WDR17: variants seen among roughly 807,000 people sequenced by gnomAD.
WDR17 encodes the protein WD repeat domain 17.
WDR17 carries 143 observed loss-of-function variants against 161.7 expected under a neutral mutation model. The observed-to-expected ratio is 0.88, with a 90% CI of 0.77 to 1.02. WDR17 has a LOEUF of 1.02. Ranked by LOEUF, WDR17 falls within the 50% of genes least tolerant of loss-of-function variation. The pLI is 0.00. For missense variants in WDR17, 1,469 were observed against 1,520.9 expected (o/e 0.97, Z 0.57); for synonymous variants, 517 against 515.6 (o/e 1.00, Z -0.04).
chr4:176,107,357 G>A (rs1738911818), intron 1 of WDR17, among the ~76,000 whole-genome samples: 1 of 150,668 alleles, frequency 6.6e-6, no homozygotes, highest in Non-Finnish European at 1.5e-5. Context: ...AATTGCTGCT[G>A]TGGAAAACAG....
intron 2 of WDR17, among the ~76,000 whole-genome samples, chr4:176,114,858 T>G (rs1238650556): frequency 6.6e-6 from 1 of 151,170 alleles, no homozygotes; most frequent in Non-Finnish European, 1.5e-5. Flanking sequence ...AATCAGTGGA[T>G]AGAGTATTTA....
chr4:176,142,805 A>G (rs898605258), intron 11 of WDR17, among the ~76,000 whole-genome samples: 2 of 152,250 alleles, frequency 1.3e-5, no homozygotes, highest in Non-Finnish European at 2.9e-5. Flanking sequence ...TTCAGAGTCA[A>G]ATCACACGTT....
intron 13 of WDR17, among the ~76,000 whole-genome samples, chr4:176,149,065 G>A (rs1746664734): frequency 6.6e-6 from 1 of 152,012 alleles, no homozygotes; most frequent in Non-Finnish European, 1.5e-5. Flanking sequence ...GTTGATATTC[G>A]AATTGAAAGG....
Position 176,125,276 on chromosome 4 carries a change from A to G in WDR17, c.711A>G (p.Thr237=), listed in dbSNP as rs1742268319. 1.9e-6 allele frequency: 3 copies of G among 1,614,032 alleles called. No homozygotes were observed. Among genetic ancestry groups the G allele is most frequent in the Non-Finnish European group, 1.7e-6 (2 of 1,180,030 alleles). The change falls in exon 5 of 29, where the codon ACA becomes ACG. Residue 237 remains threonine, a synonymous_variant. Coordinates refer to ENST00000508596, the MANE Select transcript of WDR17 (RefSeq NM_181265.4). ...VDSESLSCIT[T]FNLPSAAASV... The stretch of plus-strand genomic sequence containing the variant: ...CTGAATCACTTTCTTGCATAACAAC[A>G]TTTAATCTTCCCAGTGCAGCAGCTT...
At chr4:176,075,899 C>T (rs924634979) in intron 1 of WDR17, among the ~76,000 whole-genome samples, 2 of 151,900 alleles carry the variant, frequency 1.3e-5, no homozygotes, top group African/African-American at 4.8e-5. Context: ...CACTTGAGCT[C>T]AGGAGTTTGA....
chr4:176,103,026 A>G (rs763331602), intron 1 of WDR17, among the ~76,000 whole-genome samples: 6 of 152,170 alleles, frequency 3.9e-5, no homozygotes, highest in East Asian at 1.9e-4. Flanking sequence ...GCAGGCAGCC[A>G]TTGTTATTGC....
At chr4:176,089,585 C>T (rs1452502659) in intron 1 of WDR17, among the ~76,000 whole-genome samples, 1 of 151,840 alleles carries the variant, frequency 6.6e-6, no homozygotes, top group Non-Finnish European at 1.5e-5. Context: ...TGTATGAGTG[C>T]CGAGTGTTGT....
Position 176,115,894 on chromosome 4 carries a change from G to A in WDR17, c.222G>A (p.Leu74=), listed in dbSNP as rs751826618. ...AISWCPHNPD[L]FASGSTDNLV... is the part of the protein sequence containing the mutation. Reference sequence around the variant, plus strand: ...CTTGGTGTCCACATAATCCTGATCTGTTTGCAAGTGGCAGTACTGATAATT... The same window carrying A: ...CTTGGTGTCCACATAATCCTGATCTATTTGCAAGTGGCAGTACTGATAATT... The change falls in exon 3 of 29, where the codon CTG becomes CTA. Residue 74 remains leucine, a synonymous_variant. Transcript: ENST00000508596. The A allele has an allele frequency of 3.0e-5, 48 of 1,611,100 alleles. No homozygotes were observed. The highest frequency in any genetic ancestry group is 4.0e-5 in the Non-Finnish European group (47 of 1,178,396).
intron 4 of WDR17, among the ~76,000 whole-genome samples, chr4:176,122,204 G>A (rs534812188): frequency 2.0e-5 from 3 of 152,166 alleles, no homozygotes; most frequent in East Asian, 1.9e-4. Flanking sequence ...CACATGGCAC[G>A]TGGCATCCCT....
At chr4:176,083,472 T>G (rs1392243629) in intron 1 of WDR17, among the ~76,000 whole-genome samples, 5 of 152,128 alleles carry the variant, frequency 3.3e-5, no homozygotes, top group African/African-American at 1.2e-4. Context: ...CAGTATTATT[T>G]TTATATCTGG....
chr4:176,149,557 GC>G (rs1167507749), intron 13 of WDR17, among the ~76,000 whole-genome samples: 1 of 152,092 alleles, frequency 6.6e-6, no homozygotes, highest in Non-Finnish European at 1.5e-5. Flanking sequence ...ACAGGCGTGA[GC>G]CACCATTTCC....
chr4:176,145,458 C>A (rs1425199300), intron 11 of WDR17, among the ~76,000 whole-genome samples: 1 of 152,204 alleles, frequency 6.6e-6, no homozygotes, highest in Admixed American at 6.5e-5. Flanking sequence ...TGGACTGTGA[C>A]TTCCTGTCCA....
intron 3 of WDR17, among the ~76,000 whole-genome samples, chr4:176,118,485 A>G (rs1177269541): frequency 2.0e-5 from 3 of 152,134 alleles, no homozygotes; most frequent in Admixed American, 6.6e-5. Context: ...TGGAGTCCTC[A>G]TTATGGGTCA....
At chr4:176,156,887 C>T (rs1424528545) in intron 18 of WDR17, among the ~76,000 whole-genome samples, 3 of 152,054 alleles carry the variant, frequency 2.0e-5, no homozygotes, top group Non-Finnish European at 2.9e-5. Context: ...ACACGTCACT[C>T]CAGTCTCTCC....
intron 23 of WDR17, among the ~76,000 whole-genome samples, chr4:176,170,614 C>T (rs1750583218): frequency 6.6e-6 from 1 of 152,102 alleles, no homozygotes; most frequent in African/African-American, 2.4e-5. Flanking sequence ...CACGCCTGGC[C>T]AAATCAATTA....
rs1300219532 is a variant in WDR17 at position 176,182,372 on chromosome 4, A to G, written c.*2793A>G. ...TATGTATGTGTATATATATACATGTATGTATGAAATATATATATGTGCGTG... is the reference window on the plus strand; with the variant it reads ...TATGTATGTGTATATATATACATGTGTGTATGAAATATATATATGTGCGTG... On this transcript the variant is annotated 3_prime_UTR_variant, in exon 29 of 29. Coordinates refer to ENST00000508596, the MANE Select transcript of WDR17 (RefSeq NM_181265.4). The surrounding 1 kb of genome is among the most constrained non-coding windows in gnomAD (Gnocchi z 4.2). The G allele has an allele frequency of 6.9e-6, 1 of 145,354 alleles. No individual in the cohort carries two copies. The highest frequency in any genetic ancestry group is 1.5e-5 in the Non-Finnish European group (1 of 66,856). 9.0% of individuals were successfully genotyped at this position (145,354 alleles called of 1,614,324 possible).
In WDR17 at chr4:176,177,255, A is replaced by G. The variant is rs970216594; in HGVS notation, c.3548+99A>G. The G allele has an allele frequency of 2.6e-6, 3 of 1,159,904 alleles. No individual in the cohort carries two copies. The African/African-American group carries it at 4.6e-5, about 18-fold the overall frequency. 71.9% of individuals were successfully genotyped at this position (1,159,904 alleles called of 1,614,324 possible). ...GTGGTCTCATTAATTTTAGCAGAAT[A>G]ATGAATCTTGATTTGTTTGGCATAT... On this transcript the variant is annotated intron_variant, in intron 27 of 28. Coordinates refer to ENST00000508596, the MANE Select transcript of WDR17 (RefSeq NM_181265.4).
intron 1 of WDR17, among the ~76,000 whole-genome samples, chr4:176,091,980 A>G (rs1400948984): frequency 6.6e-6 from 1 of 152,278 alleles, no homozygotes; most frequent in Non-Finnish European, 1.5e-5. Context: ...AGGAAAATTC[A>G]GGGCACAATG....
intron 1 of WDR17, among the ~76,000 whole-genome samples, chr4:176,107,973 C>G (rs550053232): frequency 6.8e-6 from 1 of 147,052 alleles, no homozygotes; most frequent in South Asian, 2.1e-4. Context: ...CCCTTCCTTC[C>G]TTCCTTCTTT....
Sources: allele counts gnomAD v4.1 joint callset (sites outside exome capture counted in the v4.1 genomes callset), GRCh38; gene constraint gnomAD v4.1.1; non-coding constraint Gnocchi (gnomAD v3.1); transcripts MANE v1.5; gene names NCBI Gene and HGNC (gene_info 2026-07-23, HGNC 2026-07-21).